DNAH3: variants seen among roughly 807,000 people sequenced by gnomAD.
DNAH3 encodes the protein dynein axonemal heavy chain 3, also known as axonemal beta dynein heavy chain 3.
In DNAH3, 332 loss-of-function variants were observed where a neutral mutation model predicts 432.5. The ratio of observed to expected loss-of-function variants is 0.77; its 90% CI spans 0.70 to 0.84. The LOEUF (loss-of-function observed/expected upper bound fraction) is 0.84. Among genes scored for constraint, DNAH3 ranks in the 40% least tolerant of loss-of-function variants. The pLI is 0.00. For synonymous variants in DNAH3, 1,956 were observed against 1,900.2 expected (o/e 1.03, Z -0.76); for missense variants, 4,861 against 5,114.0 (o/e 0.95, Z 1.51).
chr16:21,149,199 A>C lies in DNAH3; in HGVS notation c.118-3111T>G, dbSNP rs145056643. ...AGTGAAGATCACGCCACTGCACTCC[A>C]GCCTGGATAACAGAGACAAACTGTC... On this transcript the variant is annotated intron_variant, in intron 1 of 61. Transcript: ENST00000261383. Among the ~76,000 whole-genome samples, 143 of 151,124 alleles carry C rather than the reference A, an allele frequency of 9.5e-4. 1 individual carries two copies. The highest frequency in any genetic ancestry group is 4.0e-3 in the South Asian group (19 of 4,764).
intron 48 of DNAH3, 95 bp from the exon 49 acceptor site, chr16:20,982,981 G>A: frequency 7.1e-7 from 1 of 1,410,190 alleles, no homozygotes. Context: ...TGGGGTAAGT[G>A]GGGGCAGGCT....
rs908731751 is a variant in DNAH3 at position 21,140,777 on chromosome 16, C to T, written c.522-67G>A. Reference sequence around the variant, plus strand: ...CAGAGAGGTGCTGTGGTGTTGCCTACTTTCCCTAGCCTGATGAGTGTGGTT... The same window carrying T: ...CAGAGAGGTGCTGTGGTGTTGCCTATTTTCCCTAGCCTGATGAGTGTGGTT... On this transcript the variant is annotated intron_variant, in intron 4 of 61. Coordinates refer to ENST00000261383, the Ensembl canonical transcript of DNAH3. 2.7e-6 allele frequency: 4 copies of T among 1,481,116 alleles called. No homozygotes were observed. In the South Asian group the frequency reaches 4.9e-5, roughly 18 times the overall value. 91.7% of individuals were successfully genotyped at this position (1,481,116 alleles called of 1,614,324 possible).
At chr16:20,982,726 C>T (rs776788069) in exon 49 of DNAH3, 1 of 1,613,442 alleles carries the variant, frequency 6.2e-7, no homozygotes, top group Admixed American at 1.7e-5. Context: ...CTTACTCTAC[C>T]CGAATGTTGT....
chr16:21,061,252 G>C (rs1280253122), intron 25 of DNAH3, among the ~76,000 whole-genome samples: 1 of 35,434 alleles, frequency 2.8e-5, no homozygotes, highest in Non-Finnish European at 6.0e-5. Context: ...TTTTTTTTTT[G>C]AGACGGAGTT....
intron 1 of DNAH3, chr16:21,159,265 C>G: frequency 1.4e-6 from 2 of 1,407,214 alleles, no homozygotes; most frequent in Non-Finnish European, 2.0e-6. Flanking sequence ...GTACTCGACT[C>G]CCCTCTGAGT....
chr16:21,087,819 G>A (rs956295467), intron 18 of DNAH3, among the ~76,000 whole-genome samples: 1 of 152,100 alleles, frequency 6.6e-6, no homozygotes, highest in Admixed American at 6.6e-5. Flanking sequence ...GATCACTTGA[G>A]CCTAGGAGGT....
intron 51 of DNAH3, among the ~76,000 whole-genome samples, chr16:20,974,816 C>G (rs1359478463): frequency 6.7e-6 from 1 of 150,290 alleles, no homozygotes; most frequent in Non-Finnish European, 1.5e-5. Flanking sequence ...AGTCGCCTAC[C>G]CCTTATTATT....
chr16:21,068,776 C>T (rs2090669017), intron 23 of DNAH3, among the ~76,000 whole-genome samples: 1 of 152,146 alleles, frequency 6.6e-6, no homozygotes, highest in Non-Finnish European at 1.5e-5. Flanking sequence ...AAAGGATTCA[C>T]TATAAAACTG....
At chr16:20,949,039 G>C (rs1471811975) in intron 56 of DNAH3, among the ~76,000 whole-genome samples, 2 of 152,004 alleles carry the variant, frequency 1.3e-5, no homozygotes, top group African/African-American at 2.4e-5. Flanking sequence ...TTCCCGCTGA[G>C]AGCCACTTTC....
At chr16:20,935,464 G>A in exon 61 of DNAH3, 1 of 1,611,838 alleles carries the variant, frequency 6.2e-7, no homozygotes, top group Non-Finnish European at 8.5e-7. Flanking sequence ...AATACCACAG[G>A]GGGCCCCTTG....
intron 39 of DNAH3, among the ~76,000 whole-genome samples, chr16:21,024,364 G>T (rs950128283): frequency 6.6e-6 from 1 of 152,172 alleles, no homozygotes; most frequent in Non-Finnish European, 1.5e-5. Context: ...GGAGTGATGG[G>T]GAAGGAGGAA....
At chr16:21,020,849 T>C (rs1469720078) in intron 40 of DNAH3, among the ~76,000 whole-genome samples, 1 of 152,180 alleles carries the variant, frequency 6.6e-6, no homozygotes, top group Non-Finnish European at 1.5e-5. Context: ...TGTTTTCATC[T>C]TGAAGAACTG....
At position 20,947,456 on chromosome 16, in the gene DNAH3, C is replaced by A. The variant is rs1440222942; in HGVS notation, c.11343+1027G>T. Among the ~76,000 whole-genome samples, 5 of 152,092 alleles carry A rather than the reference C, an allele frequency of 3.3e-5. No homozygotes were observed. In the East Asian group the frequency reaches 9.7e-4, roughly 29 times the overall value. ...CAATTAAAGGGGGAGTGGTGAGAACCCCAACGTGAAGCTGGTTGGTCAGTT... is the reference window on the plus strand; with the variant it reads ...CAATTAAAGGGGGAGTGGTGAGAACACCAACGTGAAGCTGGTTGGTCAGTT... On this transcript the variant is annotated intron_variant, in intron 57 of 61. Coordinates refer to ENST00000261383, the Ensembl canonical transcript of DNAH3.
rs866453366 is a variant in DNAH3, at chr16:20,997,358, T to C, written c.6526A>G (p.Thr2176Ala). Residue 2176 changes from threonine to alanine, a missense_variant, in exon 44 of 62, where the codon ACC becomes GCC. Physicochemically the swap from Thr to Ala is moderately conservative, Grantham distance 58 (BLOSUM62 0). Transcript: ENST00000261383. ...AGCATGTCCACGATGTCCAGCCTGG[T>C]TGTGTCTTTTTTGTCAAACCAGTAA... 14 of 1,614,130 alleles carry C rather than the reference T, an allele frequency of 8.7e-6. No individual in the cohort carries two copies. In the Middle Eastern group the frequency reaches 2.1e-3, roughly 247 times the overall value.
intron 32 of DNAH3, among the ~76,000 whole-genome samples, chr16:21,040,358 A>ATCTTTTTTTTTTTTTTTTTTTTT (rs771791969): frequency 1.3e-5 from 1 of 79,744 alleles, no homozygotes; most frequent in African/African-American, 5.6e-5. Flanking sequence ...AGCCAGACAG[A>ATCTTTTTTTTTTTTTTTTTTTTT]TTTTTTTTTT....
At chr16:21,030,910 G>C in intron 37 of DNAH3, 135 bp downstream of exon 37, 2 of 865,070 alleles carry the variant, frequency 2.3e-6, no homozygotes, top group Non-Finnish European at 3.5e-6. Context: ...TCCTCCTGTG[G>C]GGCATTTATT....
chr16:21,157,812 TCA>T (rs2152838815), intron 1 of DNAH3, among the ~76,000 whole-genome samples: 1 of 151,908 alleles, frequency 6.6e-6, no homozygotes, highest in African/African-American at 2.4e-5. Flanking sequence ...GGTTACTTAG[TCA>T]CACAGTAAGT....
rs560753652 is a variant in DNAH3, at chr16:20,933,650, T to C, written c.11998-143A>G. The C allele has an allele frequency of 1.2e-5, 8 of 661,966 alleles. No homozygotes were observed. The Admixed American group carries it at 1.5e-4, about 12-fold the overall frequency. 41.0% of individuals were successfully genotyped at this position (661,966 alleles called of 1,614,324 possible). A position where few individuals can be genotyped will look rare whatever the true frequency, so the allele number is the denominator to read the frequency against. On this transcript the variant is annotated intron_variant, in intron 61 of 61. Coordinates refer to ENST00000261383, the Ensembl canonical transcript of DNAH3. ...CAGGATCCAGGGACAATGGGGCTTC[T>C]GTGATAATATTCCTGCCCACCATAC...
intron 1 of DNAH3, among the ~76,000 whole-genome samples, chr16:21,146,841 A>AC (rs1383355155): frequency 3.3e-5 from 5 of 151,048 alleles, no homozygotes; most frequent in African/African-American, 1.2e-4. Context: ...GCTCAATGCA[A>AC]CCTCTGCCTC....
Sources: allele counts gnomAD v4.1 joint callset (sites outside exome capture counted in the v4.1 genomes callset), GRCh38; gene constraint gnomAD v4.1.1; transcripts MANE v1.5; gene names NCBI Gene and HGNC (gene_info 2026-07-23, HGNC 2026-07-21).